DMD: variants seen among roughly 807,000 people sequenced by gnomAD.
DMD encodes the protein dystrophin.
A neutral mutation model predicts 330.1 loss-of-function variants in DMD; 63 were observed. That is an observed-to-expected ratio of 0.19 (90% confidence interval 0.16 to 0.24). DMD has a LOEUF of 0.24. Ranked by LOEUF, DMD falls within the 10% of genes least tolerant of loss-of-function variation. The pLI is 1.00. For missense variants in DMD, 3,344 were observed against 2,684.1 expected (o/e 1.25, Z -5.43); for synonymous variants, 1,223 against 959.8 (o/e 1.27, Z -5.07).
chrX:32,845,806 C>A (rs2080603781), intron 3 of DMD, among the ~76,000 whole-genome samples: 1 of 112,275 alleles, frequency 8.9e-6, no homozygotes, highest in African/African-American at 3.2e-5. Context: ...TCCCTGTATA[C>A]CAGTTTTCTC....
chrX:32,967,545 G>C (rs764518307), intron 2 of DMD, among the ~76,000 whole-genome samples: 3 of 111,066 alleles, frequency 2.7e-5, no homozygotes, highest in Non-Finnish European at 5.7e-5. Context: ...TGCTGCTTGG[G>C]TCTTCAATAT....
At chrX:32,162,515 T>C (rs2096853230) in intron 44 of DMD, among the ~76,000 whole-genome samples, 1 of 109,489 alleles carries the variant, frequency 9.1e-6, no homozygotes, top group African/African-American at 3.3e-5. Flanking sequence ...ACCAGAAACA[T>C]CGTAGTCAAA....
At chrX:32,832,661 A>T (rs987782767) in intron 4 of DMD, among the ~76,000 whole-genome samples, 2 of 111,987 alleles carry the variant, frequency 1.8e-5, no homozygotes, top group Non-Finnish European at 1.9e-5. Context: ...CAGGAAAGGC[A>T]AAGTAGTTTC....
chrX:32,954,711 G>C (rs994041135), intron 2 of DMD, among the ~76,000 whole-genome samples: 3 of 110,028 alleles, frequency 2.7e-5, no homozygotes, highest in African/African-American at 9.9e-5. Context: ...CCCTCCAACA[G>C]GTCCCAATGT....
chrX:31,575,626 G>A (rs1044728184), intron 55 of DMD, among the ~76,000 whole-genome samples: 2 of 111,905 alleles, frequency 1.8e-5, no homozygotes, highest in African/African-American at 6.5e-5. Flanking sequence ...AAATGTGTCT[G>A]CTTTGTGTGA....
Position 31,889,647 on chromosome X carries a change from T to TCTCTCACA in DMD, c.6913-14275_6913-14274insTGTGAGAG, listed in dbSNP as rs796563415. 5.5e-3 allele frequency among the ~76,000 whole-genome samples: 393 copies of TCTCTCACA among 71,580 alleles called. 1 individual carries two copies. The highest frequency in any genetic ancestry group is 0.012 in the Admixed American group (70 of 6,049). The allele number at this position is 71,580 out of a possible 115,157, so 62.2% of individuals were successfully genotyped here. A position where few individuals can be genotyped will look rare whatever the true frequency, so the allele number is the denominator to read the frequency against. On this transcript the variant is annotated intron_variant, in intron 47 of 78. Transcript: ENST00000357033. Reference sequence around the variant, plus strand: ...CTCTCTCTCTCTCTCTCTCTCTCTCTCACACACACACACACACACACACAC... The same window carrying TCTCTCACA: ...CTCTCTCTCTCTCTCTCTCTCTCTCTCTCTCACACACACACACACACACACACACACAC...
intron 1 of DMD, among the ~76,000 whole-genome samples, chrX:33,119,147 T>C (rs1267561132): frequency 8.9e-6 from 1 of 112,654 alleles, no homozygotes. Context: ...TGAACATCTT[T>C]ACTTCCTTGA....
At chrX:31,569,606 G>A (rs1358700928) in intron 55 of DMD, among the ~76,000 whole-genome samples, 1 of 95,367 alleles carries the variant, frequency 1.0e-5, no homozygotes, top group East Asian at 3.1e-4. Flanking sequence ...ACACATATAT[G>A]TATATACGTA....
intron 44 of DMD, among the ~76,000 whole-genome samples, chrX:32,162,550 C>A (rs2147268502): frequency 9.3e-6 from 1 of 107,363 alleles, no homozygotes; most frequent in Admixed American, 1.0e-4. Flanking sequence ...ACTGCCTTCC[C>A]AGATAATTTT....
At chrX:31,887,334 C>T (rs1273957198) in intron 47 of DMD, among the ~76,000 whole-genome samples, 1 of 111,811 alleles carries the variant, frequency 8.9e-6, no homozygotes, top group Non-Finnish European at 1.9e-5. Context: ...AAAACTGCCA[C>T]TCATTGATTC....
Position 33,107,312 on chromosome X carries a change from C to A in DMD, c.32-87112G>T, listed in dbSNP as rs990402588. Among the ~76,000 whole-genome samples the A allele has an allele frequency of 4.2e-4, 17 of 40,460 alleles. 1 individual carries two copies. The highest frequency in any genetic ancestry group is 6.4e-4 in the Non-Finnish European group (15 of 23,590). 35.1% of individuals were successfully genotyped at this position (40,460 alleles called of 115,157 possible). On this transcript the variant is annotated intron_variant, in intron 1 of 78. Transcript: ENST00000357033. ...CGGCAACAAGAGCGAAGCTCTGTCCCCCCCCCCCCCCCAACACACACAAAA... is the reference window on the plus strand; with the variant it reads ...CGGCAACAAGAGCGAAGCTCTGTCCACCCCCCCCCCCCAACACACACAAAA...
intron 26 of DMD, among the ~76,000 whole-genome samples, chrX:32,453,696 T>C (rs1310958415): frequency 9.0e-6 from 1 of 110,737 alleles, no homozygotes; most frequent in Non-Finnish European, 1.9e-5. Context: ...TGATACCCAG[T>C]TCACAAACGA....
intron 13 of DMD, among the ~76,000 whole-genome samples, chrX:32,592,926 G>A (rs1320825584): frequency 8.9e-6 from 1 of 112,960 alleles, no homozygotes; most frequent in Admixed American, 9.3e-5. Context: ...AGCCTCACAT[G>A]GAGCTGCCAC....
At chrX:33,088,959 G>C in intron 1 of DMD, among the ~76,000 whole-genome samples, 1 of 110,817 alleles carries the variant, frequency 9.0e-6, no homozygotes, top group African/African-American at 3.3e-5. Context: ...CAAATAGCCT[G>C]GCCCATCCAG....
rs761835866 is a variant in DMD at position 32,050,974 on chromosome X, C to CTTTTTTTTTT, written c.6439-82470_6439-82461dup. ...TTACATTGCCTCAGGCTAACTTCCT[C>CTTTTTTTTTT]TTTTTTTTTTTTTCCCCCTAATAGA... is the stretch of plus-strand genomic sequence containing the variant. On this transcript the variant is annotated intron_variant, in intron 44 of 78. Transcript: ENST00000357033. Among the ~76,000 whole-genome samples the CTTTTTTTTTT allele has an allele frequency of 2.2e-3, 175 of 78,113 alleles. 6 individuals are homozygous for CTTTTTTTTTT. The highest frequency in any genetic ancestry group is 9.5e-3 in the African/African-American group (167 of 17,519). 67.8% of individuals were successfully genotyped at this position (78,113 alleles called of 115,157 possible).
At position 31,478,253 on chromosome X, in the gene DMD, A is replaced by G; in HGVS notation, c.8790T>C (p.Asp2930=). The G allele has an allele frequency of 8.3e-7, 1 of 1,211,440 alleles. No homozygotes were observed. The highest frequency in any genetic ancestry group is 1.1e-6 in the Non-Finnish European group (1 of 895,454). ...GTTCCCGGAGTCTTTCAAGGGTCTC[A>G]TCTATTTTTCTCTGCCAGTCAGCGG... ...LHSADWQRKI[D]ETLERLRELQ... Residue 2930 remains aspartate, a synonymous_variant, in exon 59 of 79, where the codon GAT becomes GAC. Transcript: ENST00000357033.
At chrX:33,070,270 G>A (rs904988891) in intron 1 of DMD, among the ~76,000 whole-genome samples, 5 of 111,013 alleles carry the variant, frequency 4.5e-5, no homozygotes, top group East Asian at 2.8e-4. Context: ...CTATGTACAC[G>A]CACACATACA....
chrX:31,344,644 T>C (rs1402222467), intron 61 of DMD, among the ~76,000 whole-genome samples: 1 of 110,230 alleles, frequency 9.1e-6, no homozygotes, highest in East Asian at 2.8e-4. Context: ...AGGCCACAAG[T>C]TCGAGACCAG....
intron 12 of DMD, among the ~76,000 whole-genome samples, chrX:32,600,911 A>G (rs1176331056): frequency 9.0e-6 from 1 of 111,515 alleles, no homozygotes; most frequent in Non-Finnish European, 1.9e-5. Context: ...CTCATGAACA[A>G]AAAAATCCCT....
Sources: gnomAD v4.1 joint callset for allele counts (sites outside exome capture counted in the v4.1 genomes callset) on GRCh38, gnomAD v4.1.1 for gene constraint, MANE v1.5 for transcripts, NCBI Gene and HGNC (gene_info 2026-07-23, HGNC 2026-07-21) for gene names.